The following PDE1C variants were observed in gnomAD, a reference collection of about 807,000 sequenced individuals.
PDE1C encodes the protein phosphodiesterase 1C.
Under a neutral mutation model 93.1 loss-of-function variants are expected in PDE1C, and 62 were observed. The ratio of observed to expected loss-of-function variants is 0.67; its 90% CI spans 0.54 to 0.82. The LOEUF is 0.82. Among genes scored for constraint, PDE1C ranks in the 40% least tolerant of loss-of-function variants. PDE1C has a pLI of 0.00. For missense variants in PDE1C, 742 were observed against 884.6 expected, an observed-to-expected ratio of 0.84 and a Z score of 2.04; for synonymous variants, 325 against 310.1, an observed-to-expected ratio of 1.05 and a Z score of -0.50.
At chr7:32,032,770 T>C (rs573066920) in intron 2 of PDE1C, among the ~76,000 whole-genome samples, 1 of 152,106 alleles carries the variant, frequency 6.6e-6, no homozygotes, top group Non-Finnish European at 1.5e-5. Context: ...AACCAGGGCA[T>C]CAGTAACCGT....
intron 1 of PDE1C, among the ~76,000 whole-genome samples, chr7:32,385,738 G>A (rs1219616996): frequency 6.6e-6 from 1 of 152,150 alleles, no homozygotes; most frequent in African/African-American, 2.4e-5. Context: ...ATGTCCAGGG[G>A]AACCAGAGAG....
intron 3 of PDE1C, among the ~76,000 whole-genome samples, chr7:32,088,799 A>G (rs1189910103): frequency 6.6e-6 from 1 of 152,218 alleles, no homozygotes; most frequent in Non-Finnish European, 1.5e-5. Context: ...GGCTGCAAGG[A>G]AATAACCTAC....
intron 3 of PDE1C, among the ~76,000 whole-genome samples, chr7:32,097,089 G>A (rs1351986448): frequency 6.6e-6 from 1 of 152,174 alleles, no homozygotes; most frequent in Non-Finnish European, 1.5e-5. Context: ...AATCAGGGAG[G>A]AGAGGTTCTC....
At position 31,873,162 on chromosome 7, in the gene PDE1C, G is replaced by A. The variant is rs956976031; in HGVS notation, c.609+130C>T. 13 of 618,704 alleles carry A rather than the reference G, an allele frequency of 2.1e-5. No individual in the cohort carries two copies. The East Asian group carries it at 2.3e-4, about 11-fold the overall frequency. 38.3% of individuals were successfully genotyped at this position (618,704 alleles called of 1,614,324 possible). On this transcript the variant is annotated intron_variant, in intron 6 of 17. Coordinates refer to ENST00000396191, the MANE Select transcript of PDE1C (RefSeq NM_001191057.4). ...GAGGAATTCACAGCAGTGGCTATCCGAAGGATGCTTCCTCAGTCGCCTGGA... is the reference window on the plus strand; with the variant it reads ...GAGGAATTCACAGCAGTGGCTATCCAAAGGATGCTTCCTCAGTCGCCTGGA...
intron 2 of PDE1C, among the ~76,000 whole-genome samples, chr7:31,984,669 A>C (rs1783132585): frequency 6.6e-6 from 1 of 152,218 alleles, no homozygotes; most frequent in South Asian, 2.1e-4. Context: ...TTAGAAGATC[A>C]CCAGTCTAGA....
intron 1 of PDE1C, among the ~76,000 whole-genome samples, chr7:32,283,954 C>G (rs1354703383): frequency 1.3e-5 from 2 of 152,160 alleles, no homozygotes; most frequent in Non-Finnish European, 2.9e-5. Context: ...TTGGTGCAGT[C>G]AGTAAATACT....
chr7:31,786,436 T>G (rs911410963), intron 16 of PDE1C: 1 of 152,232 alleles, frequency 6.6e-6, no homozygotes, highest in Admixed American at 6.5e-5. Context: ...GAGTAGGGTA[T>G]GCCTGCATAT....
the PDE1C span, among the ~76,000 whole-genome samples, chr7:31,718,274 C>T: frequency 2.0e-5 from 3 of 151,936 alleles, no homozygotes; most frequent in Non-Finnish European, 2.9e-5. Context: ...CAGATTGAGA[C>T]CGGGAGGAAG....
chr7:31,961,907 T>C (rs1297281558), intron 2 of PDE1C, among the ~76,000 whole-genome samples: 1 of 152,122 alleles, frequency 6.6e-6, no homozygotes, highest in Non-Finnish European at 1.5e-5. Context: ...TTAGCAAAAA[T>C]AAATCCTGAC....
intron 1 of PDE1C, among the ~76,000 whole-genome samples, chr7:32,319,455 C>CA: frequency 1.1e-5 from 1 of 90,248 alleles, no homozygotes; most frequent in Admixed American, 1.5e-4. Flanking sequence ...AAGCCATCAC[C>CA]GGAGAACCAG....
intron 2 of PDE1C, among the ~76,000 whole-genome samples, chr7:31,986,864 C>A (rs1397889962): frequency 6.6e-6 from 1 of 151,912 alleles, no homozygotes; most frequent in Non-Finnish European, 1.5e-5. Context: ...GGAAACTAAC[C>A]AGGAGAGGGG....
chr7:31,673,734 T>C, the PDE1C span, among the ~76,000 whole-genome samples: 1 of 152,024 alleles, frequency 6.6e-6, no homozygotes, highest in Non-Finnish European at 1.5e-5. Flanking sequence ...TTAATCCAAA[T>C]TGATATTCAG....
chr7:32,274,209 A>AT (rs1263722575), intron 1 of PDE1C, among the ~76,000 whole-genome samples: 3,728 of 144,104 alleles, frequency 0.026, 125 homozygotes, highest in African/African-American at 0.076. Context: ...TAGTTTTTTA[A>AT]TTTTTTTTTT....
At chr7:31,654,324 G>A in the PDE1C span, among the ~76,000 whole-genome samples, 4 of 152,296 alleles carry the variant, frequency 2.6e-5, no homozygotes, top group Admixed American at 6.5e-5. Flanking sequence ...AGCCAGTGCT[G>A]CTCAGTGCGG....
chr7:32,112,532 A>G (rs1213471333), intron 3 of PDE1C, among the ~76,000 whole-genome samples: 2 of 151,804 alleles, frequency 1.3e-5, no homozygotes, highest in Admixed American at 6.6e-5. Flanking sequence ...TAACAGAATC[A>G]TAGCTCATGG....
intron 1 of PDE1C, among the ~76,000 whole-genome samples, chr7:32,258,551 G>T (rs1351924898): frequency 6.6e-6 from 1 of 152,188 alleles, no homozygotes; most frequent in African/African-American, 2.4e-5. Context: ...CCATTAACAA[G>T]CTGTGCACAT....
At chr7:31,947,454 T>C (rs1806773295) in intron 2 of PDE1C, among the ~76,000 whole-genome samples, 1 of 152,152 alleles carries the variant, frequency 6.6e-6, no homozygotes, top group South Asian at 2.1e-4. Flanking sequence ...TTTATCTCTA[T>C]AAAATTAATA....
chr7:32,014,604 T>A (rs2128595969), intron 2 of PDE1C, among the ~76,000 whole-genome samples: 1 of 152,234 alleles, frequency 6.6e-6, no homozygotes, highest in African/African-American at 2.4e-5. Context: ...GGGCTCTCCC[T>A]CCCCTTGCCC....
chr7:31,947,661 G>A (rs1399528476), intron 2 of PDE1C, among the ~76,000 whole-genome samples: 1 of 152,144 alleles, frequency 6.6e-6, no homozygotes, highest in African/African-American at 2.4e-5. Flanking sequence ...GTCACCAACA[G>A]CAAATATTTT....
Sources: gnomAD v4.1 joint callset for allele counts (sites outside exome capture counted in the v4.1 genomes callset) on GRCh38, gnomAD v4.1.1 for gene constraint, MANE v1.5 for transcripts, NCBI Gene and HGNC (gene_info 2026-07-23, HGNC 2026-07-21) for gene names.